Variants in ADGRL3 observed in about 807,000 individuals in gnomAD.
ADGRL3 encodes the protein adhesion G protein-coupled receptor L3.
In ADGRL3, 62 loss-of-function variants were observed where a neutral mutation model predicts 153.5. The ratio of observed to expected loss-of-function variants is 0.40; its 90% CI spans 0.33 to 0.50. ADGRL3 has a LOEUF of 0.50. ADGRL3 is among the 20% of genes least tolerant of loss of function. ADGRL3 has a pLI of 0.47. For synonymous variants in ADGRL3, 710 were observed against 672.5 expected (o/e 1.06, Z -0.86); for missense variants, 1,641 against 1,859.4 (o/e 0.88, Z 2.16).
intron 1 of ADGRL3, among the ~76,000 whole-genome samples, chr4:61,349,017 G>A (rs1315593586): frequency 6.6e-6 from 1 of 152,068 alleles, no homozygotes; most frequent in South Asian, 2.1e-4. Flanking sequence ...TCAAGGGGAT[G>A]TGGGAGGGGT....
rs187168929 is a variant in ADGRL3 at position 61,224,358 on chromosome 4, A to G, written c.-240+22593A>G. 6.1e-3 allele frequency among the ~76,000 whole-genome samples: 924 copies of G among 152,262 alleles called. 14 individuals carry two copies. Among genetic ancestry groups the G allele is most frequent in the Non-Finnish European group, 6.2e-3 (419 of 68,022 alleles). On this transcript the variant is annotated intron_variant, in intron 1 of 26. Transcript: ENST00000683033. ...AGCCACCCTTTAATTTTACAGTTTG[A>G]TATAATAGTGACCAGAAACATTTTA... is the stretch of plus-strand genomic sequence containing the variant.
chr4:61,550,330 T>G (rs2098734480), intron 4 of ADGRL3, among the ~76,000 whole-genome samples: 1 of 152,034 alleles, frequency 6.6e-6, no homozygotes, highest in Non-Finnish European at 1.5e-5. Context: ...CTAGATGTTG[T>G]TTTAAAAGGC....
intron 9 of ADGRL3, among the ~76,000 whole-genome samples, chr4:61,824,715 A>G (rs1004362829): frequency 1.3e-5 from 2 of 152,186 alleles, no homozygotes; most frequent in Non-Finnish European, 2.9e-5. Context: ...ATTATTTGGC[A>G]TACTCAACAT....
At chr4:62,014,814 C>T (rs901741223) in intron 21 of ADGRL3, among the ~76,000 whole-genome samples, 1 of 152,122 alleles carries the variant, frequency 6.6e-6, no homozygotes, top group Non-Finnish European at 1.5e-5. Flanking sequence ...TAGTGGATTA[C>T]ACAAATGGAA....
intron 1 of ADGRL3, among the ~76,000 whole-genome samples, chr4:61,281,601 G>A (rs1248779481): frequency 6.6e-6 from 1 of 152,106 alleles, no homozygotes; most frequent in African/African-American, 2.4e-5. Flanking sequence ...TTCAGATTAA[G>A]GTACTCCTTC....
intron 4 of ADGRL3, among the ~76,000 whole-genome samples, chr4:61,575,264 C>A (rs1023619024): frequency 4.6e-5 from 7 of 151,850 alleles, no homozygotes; most frequent in Admixed American, 3.3e-4. Context: ...AGAGTTTTAG[C>A]AAGACTTAAT....
intron 5 of ADGRL3, among the ~76,000 whole-genome samples, chr4:61,650,191 A>G (rs1379051306): frequency 6.6e-6 from 1 of 152,218 alleles, no homozygotes; most frequent in Admixed American, 6.5e-5. Flanking sequence ...AAGGATGTAT[A>G]CTGTAAATTT....
chr4:61,425,065 G>A (rs113439880), intron 2 of ADGRL3, among the ~76,000 whole-genome samples: 1,934 of 152,226 alleles, frequency 0.013, 54 homozygotes, highest in African/African-American at 0.044. Flanking sequence ...ATTGGAGCTT[G>A]ACGTTGATGA....
At chr4:62,029,205 C>T (rs983681219) in intron 22 of ADGRL3, among the ~76,000 whole-genome samples, 7 of 151,686 alleles carry the variant, frequency 4.6e-5, no homozygotes, top group Non-Finnish European at 1.0e-4. Flanking sequence ...CTCTGTGCCA[C>T]ATACGTCCGC....
At chr4:61,562,320 C>T (rs927112025) in intron 4 of ADGRL3, among the ~76,000 whole-genome samples, 3 of 152,104 alleles carry the variant, frequency 2.0e-5, no homozygotes, top group East Asian at 1.9e-4. Flanking sequence ...AAGGCTGGAA[C>T]GGCTGTGGCA....
chr4:61,548,291 C>T (rs771079138), intron 4 of ADGRL3, among the ~76,000 whole-genome samples: 1 of 151,960 alleles, frequency 6.6e-6, no homozygotes, highest in Non-Finnish European at 1.5e-5. Context: ...TAATTAGGTA[C>T]GATTTGTCAA....
At chr4:61,616,848 T>A (rs2092059104) in intron 5 of ADGRL3, among the ~76,000 whole-genome samples, 1 of 151,836 alleles carries the variant, frequency 6.6e-6, no homozygotes, top group African/African-American at 2.4e-5. Flanking sequence ...AGAAGTGGGG[T>A]CTTGTTATGT....
intron 5 of ADGRL3, among the ~76,000 whole-genome samples, chr4:61,650,928 A>T (rs933907191): frequency 6.6e-6 from 1 of 152,298 alleles, no homozygotes; most frequent in Admixed American, 6.5e-5. Context: ...TAATAATTTT[A>T]GGAAGGATAT....
chr4:61,546,688 G>A (rs990530451), intron 4 of ADGRL3, among the ~76,000 whole-genome samples: 1 of 152,054 alleles, frequency 6.6e-6, no homozygotes, highest in African/African-American at 2.4e-5. Flanking sequence ...TTACAAAATA[G>A]GGTTTCATTT....
intron 13 of ADGRL3, among the ~76,000 whole-genome samples, chr4:61,913,660 T>C (rs2149864615): frequency 6.6e-6 from 1 of 152,280 alleles, no homozygotes; most frequent in South Asian, 2.1e-4. Context: ...TAAGTTAGGT[T>C]GATATAAATA....
intron 1 of ADGRL3, among the ~76,000 whole-genome samples, chr4:61,355,938 A>G (rs1292858313): frequency 6.6e-6 from 1 of 151,828 alleles, no homozygotes; most frequent in Non-Finnish European, 1.5e-5. Flanking sequence ...ATATGATTCC[A>G]GTTATTAATT....
chr4:61,680,247 G>A (rs771142364), intron 6 of ADGRL3, among the ~76,000 whole-genome samples: 1 of 151,934 alleles, frequency 6.6e-6, no homozygotes, highest in Non-Finnish European at 1.5e-5. Flanking sequence ...AACGAACAGT[G>A]TTAGGTTCTG....
chr4:61,882,921 A>G (rs1443362430), intron 9 of ADGRL3, among the ~76,000 whole-genome samples: 1 of 152,156 alleles, frequency 6.6e-6, no homozygotes, highest in Non-Finnish European at 1.5e-5. Flanking sequence ...CCTGACCAAC[A>G]TGGTGAAACC....
intron 2 of ADGRL3, among the ~76,000 whole-genome samples, chr4:61,453,436 C>T (rs2097698252): frequency 6.6e-6 from 1 of 152,078 alleles, no homozygotes; most frequent in Non-Finnish European, 1.5e-5. Flanking sequence ...TAACGATTGA[C>T]ATGCATTATC....
Sources: gnomAD v4.1 joint callset for allele counts (sites outside exome capture counted in the v4.1 genomes callset) on GRCh38, gnomAD v4.1.1 for gene constraint, MANE v1.5 for transcripts, NCBI Gene and HGNC (gene_info 2026-07-23, HGNC 2026-07-21) for gene names.